LRRC7: variants seen among roughly 807,000 people sequenced by gnomAD.
The protein encoded by LRRC7 is leucine-rich repeat-containing protein 7.
LRRC7 carries 23 observed loss-of-function variants against 175.7 expected under a neutral mutation model. The observed-to-expected ratio is 0.13, with a 90% CI of 0.09 to 0.19. The LOEUF (loss-of-function observed/expected upper bound fraction) is 0.19. Among genes scored for constraint, LRRC7 ranks in the 10% least tolerant of loss-of-function variants. The pLI, the probability that LRRC7 is intolerant of heterozygous loss-of-function variation, is 1.00. For missense variants in LRRC7, 1,354 were observed against 1,904.7 expected, an observed-to-expected ratio of 0.71 and a Z score of 5.38; for synonymous variants, 685 against 680.9, an observed-to-expected ratio of 1.01 and a Z score of -0.09.
At chr1:69,634,359 G>C (rs1043217745) in intron 1 of LRRC7, among the ~76,000 whole-genome samples, 1 of 152,054 alleles carries the variant, frequency 6.6e-6, no homozygotes, top group Admixed American at 6.6e-5. Context: ...GAAAACTTTA[G>C]ATAATACATT....
intron 7 of LRRC7, among the ~76,000 whole-genome samples, chr1:69,896,676 T>C (rs563229712): frequency 1.1e-4 from 17 of 152,302 alleles, no homozygotes; most frequent in African/African-American, 4.1e-4. Flanking sequence ...CTGTCCTTCC[T>C]ATACCATTGC....
chr1:69,781,760 AG>A (rs1557719823), intron 3 of LRRC7, among the ~76,000 whole-genome samples: 7 of 55,878 alleles, frequency 1.3e-4, no homozygotes, highest in African/African-American at 2.0e-4. Context: ...AGAGAGAGAG[AG>A]AGAGAAAGAA....
intron 7 of LRRC7, among the ~76,000 whole-genome samples, chr1:69,863,533 G>A (rs898620264): frequency 2.6e-5 from 4 of 152,126 alleles, no homozygotes; most frequent in Non-Finnish European, 5.9e-5. Context: ...ATACTTATTA[G>A]ACATTTCTAT....
intron 3 of LRRC7, among the ~76,000 whole-genome samples, chr1:69,763,104 G>T (rs950968273): frequency 6.6e-6 from 1 of 151,924 alleles, no homozygotes; most frequent in African/African-American, 2.4e-5. Flanking sequence ...AAAATGAAAG[G>T]AATAATGCAT....
At chr1:69,736,627 ATG>A (rs1448758610) in intron 2 of LRRC7, among the ~76,000 whole-genome samples, 4 of 152,074 alleles carry the variant, frequency 2.6e-5, no homozygotes, top group Non-Finnish European at 4.4e-5. Context: ...TTTAATATAA[ATG>A]TGTGTGTGTG....
chr1:69,925,254 T>A (rs867855317), intron 7 of LRRC7, among the ~76,000 whole-genome samples: 12 of 152,146 alleles, frequency 7.9e-5, no homozygotes, highest in African/African-American at 2.9e-4. Context: ...TATTGGTCTG[T>A]AATTCTCTTT....
At chr1:69,669,296 G>T (rs1658718891) in intron 1 of LRRC7, among the ~76,000 whole-genome samples, 1 of 152,046 alleles carries the variant, frequency 6.6e-6, no homozygotes, top group South Asian at 2.1e-4. Context: ...TTGTTTGTCT[G>T]GGAAAGTCTT....
At chr1:69,896,578 T>C (rs1031400016) in intron 7 of LRRC7, among the ~76,000 whole-genome samples, 3 of 152,200 alleles carry the variant, frequency 2.0e-5, no homozygotes, top group African/African-American at 7.2e-5. Context: ...TAGATCTAGA[T>C]GATTCTCTAT....
chr1:70,112,858 G>A (rs1012400219), intron 26 of LRRC7, among the ~76,000 whole-genome samples: 1 of 152,152 alleles, frequency 6.6e-6, no homozygotes, highest in Admixed American at 6.5e-5. Flanking sequence ...TTCAGGAGCA[G>A]GGGTAAGAGG....
chr1:69,770,804 G>A (rs1165537874), intron 3 of LRRC7, among the ~76,000 whole-genome samples: 2 of 152,102 alleles, frequency 1.3e-5, no homozygotes, highest in African/African-American at 4.8e-5. Flanking sequence ...TATCTATGGA[G>A]GGCTCTCCTT....
At chr1:70,072,902 G>A (rs1195112901) in intron 23 of LRRC7, among the ~76,000 whole-genome samples, 1 of 152,120 alleles carries the variant, frequency 6.6e-6, no homozygotes, top group African/African-American at 2.4e-5. Flanking sequence ...TCCTTTTCAT[G>A]GTTCCTTTTC....
chr1:69,857,723 C>A (rs936993142), intron 7 of LRRC7, among the ~76,000 whole-genome samples: 1 of 152,160 alleles, frequency 6.6e-6, no homozygotes. Context: ...CCCCATCAAG[C>A]TACCAATGAC....
rs138161892 is a variant in LRRC7 at position 69,898,205 on chromosome 1, G to A, written c.648-33302G>A. On this transcript the variant is annotated intron_variant, in intron 7 of 26. Transcript: ENST00000651989. ...ACTACATAGACAGAAAATAAGGAAG[G>A]TCTGGGGAGATGATGAATTTTGTTT... 3.3e-3 allele frequency among the ~76,000 whole-genome samples: 497 copies of A among 152,294 alleles called. 1 individual carries two copies. Among genetic ancestry groups the A allele is most frequent in the African/African-American group, 0.011 (448 of 41,556 alleles).
intron 7 of LRRC7, among the ~76,000 whole-genome samples, chr1:69,841,697 T>C (rs74634740): frequency 3.2e-3 from 488 of 152,274 alleles, no homozygotes; most frequent in Non-Finnish European, 5.4e-3. Context: ...CAAGACAGTA[T>C]GAGTGCCATT....
intron 9 of LRRC7, among the ~76,000 whole-genome samples, chr1:69,983,026 A>T (rs934868927): frequency 1.3e-5 from 2 of 152,260 alleles, no homozygotes; most frequent in Admixed American, 6.5e-5. Flanking sequence ...AAATTTTCTC[A>T]TGATATCTCA....
chr1:69,747,066 C>T (rs1669332781), intron 2 of LRRC7, among the ~76,000 whole-genome samples: 1 of 152,112 alleles, frequency 6.6e-6, no homozygotes, highest in South Asian at 2.1e-4. Flanking sequence ...TTTAGAAGGA[C>T]ATCAATCACA....
At chr1:69,926,932 G>T (rs1002688185) in intron 7 of LRRC7, among the ~76,000 whole-genome samples, 1 of 152,160 alleles carries the variant, frequency 6.6e-6, no homozygotes, top group East Asian at 1.9e-4. Context: ...GCATGATTTT[G>T]CAGTGGCTGG....
intron 1 of LRRC7, among the ~76,000 whole-genome samples, chr1:69,674,900 A>C (rs1206693971): frequency 1.3e-5 from 2 of 152,122 alleles, no homozygotes; most frequent in Non-Finnish European, 2.9e-5. Flanking sequence ...TCACATTTTT[A>C]TTTGTGATAA....
At chr1:69,915,152 G>A (rs1243121541) in intron 7 of LRRC7, among the ~76,000 whole-genome samples, 2 of 152,078 alleles carry the variant, frequency 1.3e-5, no homozygotes, top group Non-Finnish European at 2.9e-5. Context: ...AGTGCATAAG[G>A]CCAAATGGCA....
Sources: gnomAD v4.1 joint callset for allele counts (sites outside exome capture counted in the v4.1 genomes callset) on GRCh38, gnomAD v4.1.1 for gene constraint, MANE v1.5 for transcripts, NCBI Gene and HGNC (gene_info 2026-07-23, HGNC 2026-07-21) for gene names.